Variants in PUS10 observed in about 807,000 individuals in gnomAD.
PUS10 encodes the protein tRNA pseudouridine synthase Pus10.
PUS10 carries 59 observed loss-of-function variants against 75.0 expected under a neutral mutation model. That is an observed-to-expected ratio of 0.79 (90% CI 0.64 to 0.98). PUS10 has a LOEUF of 0.98. Ranked by LOEUF, PUS10 falls within the 50% of genes least tolerant of loss-of-function variation. PUS10 has a pLI of 0.00. For synonymous variants in PUS10, 219 were observed against 211.6 expected, an observed-to-expected ratio of 1.03 and a Z score of -0.30; for missense variants, 650 against 614.4, an observed-to-expected ratio of 1.06 and a Z score of -0.61.
intron 16 of PUS10, among the ~76,000 whole-genome samples, chr2:60,946,284 A>G (rs1674938893): frequency 6.6e-6 from 1 of 152,250 alleles, no homozygotes; most frequent in Non-Finnish European, 1.5e-5. Context: ...GCAGTGATCA[A>G]TGTAAATATA....
intron 3 of PUS10, among the ~76,000 whole-genome samples, chr2:61,008,175 C>T (rs1242882247): frequency 6.6e-6 from 1 of 151,890 alleles, no homozygotes. Flanking sequence ...TGACTTGAGG[C>T]CAGGAGTTCA....
At chr2:61,000,433 T>G (rs960111130) in intron 4 of PUS10, among the ~76,000 whole-genome samples, 2 of 152,146 alleles carry the variant, frequency 1.3e-5, no homozygotes, top group Admixed American at 6.5e-5. Flanking sequence ...CAACACCAAT[T>G]TATTATCTTT....
chr2:60,983,416 C>A (rs138915764), intron 4 of PUS10, among the ~76,000 whole-genome samples: 1 of 152,148 alleles, frequency 6.6e-6, no homozygotes, highest in African/African-American at 2.4e-5. Flanking sequence ...CGGTGGCTCA[C>A]GCCTGTAATC....
chr2:60,973,692 G>T (rs1031645762), intron 4 of PUS10, among the ~76,000 whole-genome samples: 1 of 152,240 alleles, frequency 6.6e-6, no homozygotes, highest in African/African-American at 2.4e-5. Context: ...GGCAGAAAGC[G>T]GCAGGTCCAC....
intron 3 of PUS10, 91 bp from the exon 4 acceptor site, chr2:61,006,734 G>T: frequency 1.0e-6 from 1 of 970,054 alleles, no homozygotes; most frequent in Non-Finnish European, 1.5e-6. Flanking sequence ...TGGTCCAGGA[G>T]ATGACATGGC....
chr2:61,017,564 T>C, intron 1 of PUS10: 1 of 554,718 alleles, frequency 1.8e-6, no homozygotes, highest in South Asian at 2.4e-5. Context: ...AAGAGCGTGT[T>C]TCTTCCTACA....
In PUS10 at chr2:60,965,076, C is replaced by T; in HGVS notation, c.705G>A (p.Lys235=). The T allele has an allele frequency of 6.2e-7, 1 of 1,613,672 alleles. No homozygotes were observed. The highest frequency in any genetic ancestry group is 8.5e-7 in the Non-Finnish European group (1 of 1,179,764). Reference sequence around the variant, plus strand: ...TCCTTACCTGTTTGTTTTTGGCTGGCTTAAAACAATCTGGGCATATCGCAG... The same window carrying T: ...TCCTTACCTGTTTGTTTTTGGCTGGTTTAAAACAATCTGGGCATATCGCAG... ...FLAAICPDCF[K]PAKNKQSVFT... The change falls in exon 8 of 18, where the codon AAG becomes AAA. Residue 235 remains lysine, a synonymous_variant. Coordinates refer to ENST00000316752, the MANE Select transcript of PUS10 (RefSeq NM_144709.4).
chr2:60,984,387 A>C (rs1677592454), intron 4 of PUS10, among the ~76,000 whole-genome samples: 1 of 152,218 alleles, frequency 6.6e-6, no homozygotes, highest in Non-Finnish European at 1.5e-5. Flanking sequence ...AAACAAGAAA[A>C]CTTTTGCATA....
At chr2:60,957,164 A>C (rs923337227) in intron 11 of PUS10, among the ~76,000 whole-genome samples, 1 of 152,108 alleles carries the variant, frequency 6.6e-6, no homozygotes, top group Non-Finnish European at 1.5e-5. Context: ...AAGTATTAGA[A>C]AATACATGCT....
intron 1 of PUS10, 48 bp from the exon 2 acceptor site, chr2:61,011,953 G>A: frequency 1.4e-6 from 2 of 1,466,260 alleles, no homozygotes; most frequent in South Asian, 1.3e-5. Flanking sequence ...GCGTTTTACT[G>A]TCACAGACAA....
intron 4 of PUS10, among the ~76,000 whole-genome samples, chr2:60,994,750 T>A (rs1321780789): frequency 6.6e-6 from 1 of 152,196 alleles, no homozygotes; most frequent in Non-Finnish European, 1.5e-5. Context: ...AGTCAAAACC[T>A]AGGCTAAGTC....
At chr2:61,016,500 G>A (rs1224767649) in intron 1 of PUS10, among the ~76,000 whole-genome samples, 1 of 152,158 alleles carries the variant, frequency 6.6e-6, no homozygotes, top group African/African-American at 2.4e-5. Context: ...CCCTGAGAAA[G>A]GCATTCCACA....
chr2:61,015,657 C>T (rs922944102), intron 1 of PUS10, among the ~76,000 whole-genome samples: 6 of 152,170 alleles, frequency 3.9e-5, no homozygotes, highest in African/African-American at 1.4e-4. Context: ...CAAAATCGTG[C>T]CACTGTACTC....
rs752658705 is a variant in PUS10 at position 60,982,111 on chromosome 2, T to G, written c.469-10554A>C. Among the ~76,000 whole-genome samples the G allele has an allele frequency of 5.1e-4, 77 of 152,058 alleles. 2 individuals are homozygous for G. Among genetic ancestry groups the G allele is most frequent in the Admixed American group, 1.2e-3 (18 of 15,284 alleles). On this transcript the variant is annotated intron_variant, in intron 4 of 17. Coordinates refer to ENST00000316752, the MANE Select transcript of PUS10 (RefSeq NM_144709.4). ...AAAATAATAAAAAAATAAAGAGGCC[T>G]CTAACTTCCTCCTAGTCACAATGCA... is the stretch of plus-strand genomic sequence containing the variant.
At chr2:60,968,144 T>A (rs1454539117) in intron 5 of PUS10, among the ~76,000 whole-genome samples, 1 of 152,156 alleles carries the variant, frequency 6.6e-6, no homozygotes, top group Non-Finnish European at 1.5e-5. Context: ...GAAATGCTCA[T>A]CAATGTATTA....
chr2:60,942,157 T>C lies in PUS10; in HGVS notation c.*238A>G. On this transcript the variant is annotated 3_prime_UTR_variant, in exon 18 of 18. Transcript: ENST00000316752. ...ATTTCATTATTCATAGTTTGGTTTG[T>C]GGGGGTGAAAGAGGGAATGAGAAAA... is the stretch of plus-strand genomic sequence containing the variant. 1 of 460,074 alleles carries C rather than the reference T, an allele frequency of 2.2e-6. No homozygotes were observed. Among genetic ancestry groups the C allele is most frequent in the Non-Finnish European group, 4.0e-6 (1 of 252,754 alleles). The allele number at this position is 460,074 out of a possible 1,614,324, so 28.5% of individuals were successfully genotyped here. A position where few individuals can be genotyped will look rare whatever the true frequency, so the allele number is the denominator to read the frequency against.
chr2:60,959,931 C>A (rs1254122463), intron 11 of PUS10, among the ~76,000 whole-genome samples: 1 of 151,268 alleles, frequency 6.6e-6, no homozygotes, highest in Non-Finnish European at 1.5e-5. Context: ...ATAATCCCAG[C>A]ACTTTGGGAA....
At chr2:61,014,087 C>G (rs899595899) in intron 1 of PUS10, among the ~76,000 whole-genome samples, 1 of 149,476 alleles carries the variant, frequency 6.7e-6, no homozygotes, top group African/African-American at 2.5e-5. Context: ...AAACCTCCAA[C>G]AAAAGGTCAG....
intron 4 of PUS10, among the ~76,000 whole-genome samples, chr2:60,993,936 C>T (rs1378995171): frequency 4.6e-5 from 7 of 151,932 alleles, no homozygotes; most frequent in African/African-American, 1.2e-4. Context: ...ACTACAGGCG[C>T]CTGCCACCAA....
Sources: gnomAD v4.1 joint callset for allele counts (sites outside exome capture counted in the v4.1 genomes callset) on GRCh38, gnomAD v4.1.1 for gene constraint, MANE v1.5 for transcripts, NCBI Gene and HGNC (gene_info 2026-07-23, HGNC 2026-07-21) for gene names.